Variants in NAP1L4 observed in about 807,000 individuals in gnomAD.
NAP1L4 encodes the protein nucleosome assembly protein 1-like 4.
NAP1L4 carries 15 observed loss-of-function variants against 58.2 expected under a neutral mutation model. The observed-to-expected ratio is 0.26, with a 90% confidence interval of 0.17 to 0.40. NAP1L4 has a LOEUF of 0.40. Ranked by LOEUF, NAP1L4 falls within the 10% of genes least tolerant of loss-of-function variation. NAP1L4 has a pLI of 1.00. For missense variants in NAP1L4, 384 were observed against 451.1 expected, an observed-to-expected ratio of 0.85 and a Z score of 1.35; for synonymous variants, 171 against 155.6, an observed-to-expected ratio of 1.10 and a Z score of -0.74.
In NAP1L4 at chr11:2,971,607, T is replaced by C; in HGVS notation, c.316-73A>G. On this transcript the variant is annotated intron_variant, in intron 5 of 15. Transcript: ENST00000380542. This position sits in a 1 kb window ranked among gnomAD's most constrained non-coding sequence, Gnocchi z 4.2. ...GGAACTCAAGAGTTAAATTTATAAATAATGTCTACTAAAAGACTTTGAAAA... is the reference window on the plus strand; with the variant it reads ...GGAACTCAAGAGTTAAATTTATAAACAATGTCTACTAAAAGACTTTGAAAA... The C allele has an allele frequency of 8.5e-7, 1 of 1,178,738 alleles. No individual in the cohort carries two copies. Among genetic ancestry groups the C allele is most frequent in the Non-Finnish European group, 1.2e-6 (1 of 820,752 alleles). The allele number at this position is 1,178,738 out of a possible 1,614,324, so 73.0% of individuals were successfully genotyped here.
In NAP1L4 at chr11:2,958,384, A is replaced by C. The variant is rs781232471; in HGVS notation, c.892+15T>G. 9 of 1,613,298 alleles carry C rather than the reference A, an allele frequency of 5.6e-6. No homozygotes were observed. The highest frequency in any genetic ancestry group is 7.6e-6 in the Non-Finnish European group (9 of 1,179,596). On this transcript the variant is annotated intron_variant, in intron 10 of 15. Coordinates refer to ENST00000380542, the MANE Select transcript of NAP1L4 (RefSeq NM_005969.4). ...ATATAAGAACATAATGAATATTAAC[A>C]ACCAACAGACTTGCCTTTCAATGGA...
At chr11:2,984,134 T>C (rs1590273135) in intron 1 of NAP1L4, among the ~76,000 whole-genome samples, 1 of 115,024 alleles carries the variant, frequency 8.7e-6, no homozygotes, top group African/African-American at 3.5e-5. Context: ...GCCACTGAAC[T>C]CCAGCCTGGA....
chr11:2,949,334 A>G lies in NAP1L4; in HGVS notation c.1123-70T>C. 1 of 1,285,232 alleles carries G rather than the reference A, an allele frequency of 7.8e-7. No individual in the cohort carries two copies. Among genetic ancestry groups the G allele is most frequent in the Non-Finnish European group, 1.1e-6 (1 of 882,382 alleles). The allele number at this position is 1,285,232 out of a possible 1,614,324, so 79.6% of individuals were successfully genotyped here. Reference sequence around the variant, plus strand: ...AATGAAATGCACAAAATTATACAGGAGGAAACGGCCACAATTTCTCATGAT... The same window carrying G: ...AATGAAATGCACAAAATTATACAGGGGGAAACGGCCACAATTTCTCATGAT... On this transcript the variant is annotated intron_variant, in intron 14 of 15. Transcript: ENST00000380542. This position sits in a 1 kb window ranked among gnomAD's most constrained non-coding sequence, Gnocchi z 4.0.
At chr11:2,991,218 A>T (rs1848945008) in intron 1 of NAP1L4, 1 of 440,634 alleles carries the variant, frequency 2.3e-6, no homozygotes, top group Non-Finnish European at 4.7e-6. Context: ...GACCCTAAAC[A>T]TGTCTGCCTC....
intron 10 of NAP1L4, among the ~76,000 whole-genome samples, chr11:2,956,043 GAGAGTT>G (rs1846520975): frequency 6.6e-6 from 1 of 152,180 alleles, no homozygotes; most frequent in African/African-American, 2.4e-5. Context: ...ATCATTTTGA[GAGAGTT>G]AATATATTAA....
At chr11:2,965,536 C>T (rs1304361240) in intron 7 of NAP1L4, among the ~76,000 whole-genome samples, 3 of 152,136 alleles carry the variant, frequency 2.0e-5, no homozygotes. Context: ...CCAAAACTCA[C>T]AATACACACA....
At chr11:2,985,733 TTATGAAAGGGATAC>T (rs1392247042) in intron 1 of NAP1L4, among the ~76,000 whole-genome samples, 4 of 148,584 alleles carry the variant, frequency 2.7e-5, no homozygotes, top group African/African-American at 9.8e-5. Context: ...TCAAGTTAAA[TTATGAAAGGGATAC>T]CAGGCAAAAG....
chr11:2,978,796 A>C (rs1050246974), intron 2 of NAP1L4, among the ~76,000 whole-genome samples: 6 of 152,244 alleles, frequency 3.9e-5, no homozygotes, highest in African/African-American at 1.4e-4. Flanking sequence ...ATGAGCCATG[A>C]AACAGTTTTT....
chr11:2,953,719 T>A (rs1846362831), intron 12 of NAP1L4, among the ~76,000 whole-genome samples: 1 of 152,094 alleles, frequency 6.6e-6, no homozygotes, highest in African/African-American at 2.4e-5. Context: ...ATGGGAGAGG[T>A]GTGAGGAGAT....
intron 3 of NAP1L4, among the ~76,000 whole-genome samples, chr11:2,977,832 C>T (rs1487539826): frequency 2.1e-5 from 3 of 145,836 alleles, no homozygotes; most frequent in African/African-American, 7.6e-5. Flanking sequence ...TTAGGATTTG[C>T]TTTCCAAAGG....
In NAP1L4 at chr11:2,945,544, C is replaced by T. The variant is rs1184372010; in HGVS notation, c.*135G>A. On this transcript the variant is annotated 3_prime_UTR_variant, in exon 16 of 16. Coordinates refer to ENST00000380542, the MANE Select transcript of NAP1L4 (RefSeq NM_005969.4). ...CCACGGGATTGTGCTGCGGCAAGGA[C>T]CGAGGCCCCGCCCACAGGCCTGGAG... 8 of 1,433,584 alleles carry T rather than the reference C, an allele frequency of 5.6e-6. No homozygotes were observed. Among genetic ancestry groups the T allele is most frequent in the Non-Finnish European group, 7.6e-6 (8 of 1,055,886 alleles). 88.8% of individuals were successfully genotyped at this position (1,433,584 alleles called of 1,614,324 possible).
In NAP1L4 at chr11:2,971,514, G is replaced by T; in HGVS notation, c.336C>A (p.Gly112=). 1 of 1,613,432 alleles carries T rather than the reference G, an allele frequency of 6.2e-7. No individual in the cohort carries two copies. The highest frequency in any genetic ancestry group is 8.5e-7 in the Non-Finnish European group (1 of 1,179,956). ...LFDKRREFIT[G]DVEPTDAESE... is the part of the protein sequence containing the mutation. ...ATTCCGCATCTGTTGGTTCAACATC[G>T]CCGGTGATAAATTCTCTTCTCTACA... Residue 112 remains glycine (G), a synonymous_variant, in exon 6 of 16, where the codon GGC becomes GGA. Transcript: ENST00000380542. This position sits in a 1 kb window ranked among gnomAD's most constrained non-coding sequence, Gnocchi z 4.2.
rs770349284 is a variant in NAP1L4 at position 2,971,202 on chromosome 11, A to T, written c.402+246T>A. Among the ~76,000 whole-genome samples, 5 of 152,078 alleles carry T rather than the reference A, an allele frequency of 3.3e-5. No homozygotes were observed. Among genetic ancestry groups the T allele is most frequent in the Non-Finnish European group, 7.4e-5 (5 of 68,012 alleles). On this transcript the variant is annotated intron_variant, in intron 6 of 15. Transcript: ENST00000380542. The surrounding 1 kb of genome is among the most constrained non-coding windows in gnomAD (Gnocchi z 4.2). ...TGATGTTTTAATCTTTGTTGGTCTGATCCCTTATTTCAATATGCTCCTGTC... is the reference window on the plus strand; with the variant it reads ...TGATGTTTTAATCTTTGTTGGTCTGTTCCCTTATTTCAATATGCTCCTGTC...
chr11:2,972,714 G>A (rs1465327621), intron 4 of NAP1L4, among the ~76,000 whole-genome samples: 6 of 152,238 alleles, frequency 3.9e-5, no homozygotes, highest in Admixed American at 3.9e-4. Flanking sequence ...GCTCATGCCT[G>A]TAATCCCACC....
intron 12 of NAP1L4, among the ~76,000 whole-genome samples, chr11:2,953,054 G>C (rs1469033726): frequency 6.6e-6 from 1 of 152,228 alleles, no homozygotes; most frequent in African/African-American, 2.4e-5. Context: ...TCTACTTACA[G>C]CTGAGGAAAC....
chr11:2,967,479 C>T (rs1443488587), intron 7 of NAP1L4, among the ~76,000 whole-genome samples: 2 of 151,888 alleles, frequency 1.3e-5, no homozygotes, highest in South Asian at 2.1e-4. Context: ...GGCGTGGTGG[C>T]GGATGCCTGT....
chr11:2,955,577 CCTGGACTCGTG>C lies in NAP1L4; in HGVS notation c.915+156_915+166del, dbSNP rs1259568370. ...ATGTTGCCCAGGCTGGTCTCAAACT[CCTGGACTCGTG>C]CAGTCCTCCCACCTCAGCCTCCCAA... On this transcript the variant is annotated intron_variant, in intron 11 of 15. Transcript: ENST00000380542. This position sits in a 1 kb window ranked among gnomAD's most constrained non-coding sequence, Gnocchi z 4.2. Among the ~76,000 whole-genome samples the C allele has an allele frequency of 1.3e-5, 2 of 152,020 alleles. No individual in the cohort carries two copies. The highest frequency in any genetic ancestry group is 4.8e-5 in the African/African-American group (2 of 41,372).
At chr11:2,953,091 C>A (rs1019652150) in intron 12 of NAP1L4, among the ~76,000 whole-genome samples, 3 of 152,188 alleles carry the variant, frequency 2.0e-5, no homozygotes, top group African/African-American at 7.2e-5. Context: ...GGTGGAGCTA[C>A]TAAAGGGAGA....
chr11:2,979,782 AT>A (rs1223108356), intron 1 of NAP1L4, among the ~76,000 whole-genome samples: 2 of 151,942 alleles, frequency 1.3e-5, no homozygotes, highest in Non-Finnish European at 1.5e-5. Context: ...AAAAAAAAAA[AT>A]AAAATAAAAT....
Sources: allele counts gnomAD v4.1 joint callset (sites outside exome capture counted in the v4.1 genomes callset), GRCh38; gene constraint gnomAD v4.1.1; non-coding constraint Gnocchi (gnomAD v3.1); transcripts MANE v1.5; gene names NCBI Gene and HGNC (gene_info 2026-07-23, HGNC 2026-07-21).